The following MCC variants were observed in gnomAD, a reference collection of about 807,000 sequenced individuals.
The protein encoded by MCC is colorectal mutant cancer protein.
Under a neutral mutation model 116.2 loss-of-function variants are expected in MCC, and 90 were observed. The ratio of observed to expected loss-of-function variants is 0.77; its 90% CI spans 0.65 to 0.92. The LOEUF (loss-of-function observed/expected upper bound fraction) is 0.92. MCC is among the 40% of genes least tolerant of loss of function. The pLI is 0.00. For missense variants in MCC, 1,516 were observed against 1,312.2 expected, an observed-to-expected ratio of 1.16 and a Z score of -2.40; for synonymous variants, 578 against 510.5, an observed-to-expected ratio of 1.13 and a Z score of -1.78.
chr5:113,351,463 T>C (rs1435840851), intron 2 of MCC, among the ~76,000 whole-genome samples: 1 of 152,156 alleles, frequency 6.6e-6, no homozygotes, highest in East Asian at 1.9e-4. Flanking sequence ...TCACATGTTC[T>C]CACTTATTTG....
intron 3 of MCC, among the ~76,000 whole-genome samples, chr5:113,191,688 T>C (rs1413268118): frequency 1.3e-5 from 2 of 152,194 alleles, no homozygotes; most frequent in Non-Finnish European, 2.9e-5. Flanking sequence ...GCGACTTGAT[T>C]TTTAAGACAG....
At chr5:113,226,313 G>A (rs1047324185) in intron 3 of MCC, among the ~76,000 whole-genome samples, 2 of 152,304 alleles carry the variant, frequency 1.3e-5, no homozygotes, top group East Asian at 1.9e-4. Flanking sequence ...CAAAAACAAT[G>A]ACTCACAAGG....
intron 8 of MCC, among the ~76,000 whole-genome samples, chr5:113,089,207 A>C (rs1196071735): frequency 6.6e-6 from 1 of 152,212 alleles, no homozygotes; most frequent in Non-Finnish European, 1.5e-5. Context: ...GGTATCAACA[A>C]GGAGTGTCAA....
Position 113,277,180 on chromosome 5 carries a change from T to TA in MCC, c.627+63338dup, listed in dbSNP as rs561565984. On this transcript the variant is annotated intron_variant, in intron 3 of 18. Transcript: ENST00000408903. ...CAACATGGTGAAACCCCATCTCTAC[T>TA]AAAAAAAAACAAAAAACAAAAACAC... Among the ~76,000 whole-genome samples the TA allele has an allele frequency of 7.8e-3, 1,112 of 142,132 alleles. 19 individuals carry two copies. Among genetic ancestry groups the TA allele is most frequent in the African/African-American group, 0.027 (996 of 37,266 alleles). The allele number at this position is 142,132 out of a possible 152,430, so 93.2% of individuals were successfully genotyped here.
At chr5:113,454,913 G>C (rs1771501945) in intron 1 of MCC, among the ~76,000 whole-genome samples, 2 of 152,110 alleles carry the variant, frequency 1.3e-5, no homozygotes, top group African/African-American at 2.4e-5. Context: ...AATAGTAACA[G>C]CCTGAAATGA....
chr5:113,244,544 A>T (rs1323454989), intron 3 of MCC, among the ~76,000 whole-genome samples: 1 of 152,200 alleles, frequency 6.6e-6, no homozygotes, highest in East Asian at 1.9e-4. Flanking sequence ...TTTAAATAAC[A>T]TTTCTAAATA....
intron 3 of MCC, among the ~76,000 whole-genome samples, chr5:113,331,218 G>A (rs1283574342): frequency 1.3e-5 from 2 of 148,202 alleles, no homozygotes; most frequent in South Asian, 4.1e-4. Flanking sequence ...ATATTTCAAC[G>A]ATCTGTACTG....
At chr5:113,442,547 C>G (rs7735806) in intron 1 of MCC, among the ~76,000 whole-genome samples, 8 of 152,086 alleles carry the variant, frequency 5.3e-5, no homozygotes, top group South Asian at 2.1e-4. Flanking sequence ...CATTGCTTTT[C>G]GTGTTTTAGA....
At chr5:113,393,950 G>T (rs772402811) in intron 1 of MCC, among the ~76,000 whole-genome samples, 6 of 152,062 alleles carry the variant, frequency 3.9e-5, no homozygotes, top group African/African-American at 1.4e-4. Context: ...ACTCTCTACA[G>T]ATAATCTAAT....
At chr5:113,320,007 G>A (rs1767380660) in intron 3 of MCC, among the ~76,000 whole-genome samples, 1 of 152,166 alleles carries the variant, frequency 6.6e-6, no homozygotes, top group Admixed American at 6.5e-5. Context: ...GGCTATTACA[G>A]TACCAAGATC....
chr5:113,110,782 T>C (rs148943250), intron 6 of MCC, among the ~76,000 whole-genome samples: 2 of 152,362 alleles, frequency 1.3e-5, no homozygotes, highest in African/African-American at 4.8e-5. Flanking sequence ...GATAGGGCTA[T>C]GGTGTCTGGC....
At chr5:113,361,705 G>T (rs1392416674) in intron 2 of MCC, among the ~76,000 whole-genome samples, 1 of 152,180 alleles carries the variant, frequency 6.6e-6, no homozygotes, top group Non-Finnish European at 1.5e-5. Flanking sequence ...AGGAAGATCT[G>T]CCTTCACCCA....
chr5:113,275,967 TTTG>T (rs1353691718), intron 3 of MCC, among the ~76,000 whole-genome samples: 5 of 139,810 alleles, frequency 3.6e-5, no homozygotes, highest in Admixed American at 7.3e-5. Context: ...TTTCACTTGT[TTTG>T]TTTTTTTTTT....
intron 3 of MCC, among the ~76,000 whole-genome samples, chr5:113,268,584 C>T (rs1401145048): frequency 6.6e-6 from 1 of 152,132 alleles, no homozygotes; most frequent in African/African-American, 2.4e-5. Context: ...CTGTGCCCTG[C>T]CCCTCCATCC....
intron 3 of MCC, among the ~76,000 whole-genome samples, chr5:113,202,844 T>G (rs984548874): frequency 1.3e-5 from 2 of 152,114 alleles, no homozygotes; most frequent in Non-Finnish European, 2.9e-5. Context: ...TTTTGAACTT[T>G]ATGGCGTCCG....
At chr5:113,135,111 T>C (rs1758731560) in intron 5 of MCC, among the ~76,000 whole-genome samples, 1 of 151,570 alleles carries the variant, frequency 6.6e-6, no homozygotes, top group Non-Finnish European at 1.5e-5. Flanking sequence ...GGCTAATTTT[T>C]GTATTTTTAG....
chr5:113,327,561 A>ATATATATATATATATATATATATAT (rs1554076392), intron 3 of MCC, among the ~76,000 whole-genome samples: 4 of 80,552 alleles, frequency 5.0e-5, no homozygotes, highest in African/African-American at 9.9e-5. Context: ...AAAAAAAAAA[A>ATATATATATATATATATATATATAT]ATATATATAT....
At chr5:113,294,225 A>C in intron 3 of MCC, 2 of 1,420,114 alleles carry the variant, frequency 1.4e-6, no homozygotes, top group Non-Finnish European at 1.9e-6. Flanking sequence ...GACTGGGAGC[A>C]CAGGGGGATA....
intron 3 of MCC, among the ~76,000 whole-genome samples, chr5:113,338,921 C>T (rs903957828): frequency 2.0e-5 from 3 of 152,070 alleles, no homozygotes; most frequent in African/African-American, 4.8e-5. Flanking sequence ...ATTATCATAC[C>T]CTAGCAGTGA....
Sources: gnomAD v4.1 joint callset for allele counts (sites outside exome capture counted in the v4.1 genomes callset) on GRCh38, gnomAD v4.1.1 for gene constraint, MANE v1.5 for transcripts, NCBI Gene and HGNC (gene_info 2026-07-23, HGNC 2026-07-21) for gene names.